OSMR: variants seen among roughly 807,000 people sequenced by gnomAD.
The protein encoded by OSMR is oncostatin M receptor.
In OSMR, 81 loss-of-function variants were observed where a neutral mutation model predicts 99.9. The observed-to-expected ratio is 0.81, with a 90% CI of 0.68 to 0.97. The LOEUF is 0.97. Among genes scored for constraint, OSMR ranks in the 50% least tolerant of loss-of-function variants. The probability of loss-of-function intolerance (pLI) is 0.00; values close to 1 mark genes in which losing one functional copy is unlikely to be tolerated. For synonymous variants in OSMR, 406 were observed against 410.4 expected, an observed-to-expected ratio of 0.99 and a Z score of 0.13; for missense variants, 1,099 against 1,153.4, an observed-to-expected ratio of 0.95 and a Z score of 0.68.
intron 7 of OSMR, among the ~76,000 whole-genome samples, chr5:38,898,948 A>ATCTTTTT (rs1744701152): frequency 9.2e-6 from 1 of 108,952 alleles, no homozygotes; most frequent in Admixed American, 8.6e-5. Flanking sequence ...TTTACATAAT[A>ATCTTTTT]TCTTTTTTTT....
intron 1 of OSMR, among the ~76,000 whole-genome samples, chr5:38,857,237 T>C (rs1740924745): frequency 6.6e-6 from 1 of 152,226 alleles, no homozygotes; most frequent in Non-Finnish European, 1.5e-5. Flanking sequence ...TGCACATCAT[T>C]CTCTGAATCA....
intron 12 of OSMR, 129 bp from the exon 13 acceptor site, chr5:38,923,021 C>T: frequency 9.5e-7 from 1 of 1,052,448 alleles, no homozygotes; most frequent in Non-Finnish European, 1.4e-6. Flanking sequence ...AGTGATCCGC[C>T]TGCCTCGGCC....
At chr5:38,909,491 G>A (rs932321622) in intron 9 of OSMR, among the ~76,000 whole-genome samples, 19 of 152,122 alleles carry the variant, frequency 1.2e-4, no homozygotes, top group African/African-American at 3.4e-4. Flanking sequence ...GAGACAGGGC[G>A]GGTCACCTAC....
At chr5:38,945,185 T>C (rs776153360), downstream of OSMR, 43 of 778,212 alleles carry the variant, frequency 5.5e-5, no homozygotes, top group Middle Eastern at 3.4e-4. Flanking sequence ...GTATGCAATA[T>C]ACCAAACACT....
At position 38,925,328 on chromosome 5, in the gene OSMR, C is replaced by T. The variant is rs776933413; in HGVS notation, c.2169C>T (p.Gly723=). The T allele has an allele frequency of 4.0e-5, 65 of 1,613,898 alleles. No homozygotes were observed. The highest frequency in any genetic ancestry group is 5.5e-5 in the Non-Finnish European group (65 of 1,179,924). Residue 723 remains glycine, a synonymous_variant, in exon 15 of 18, where the codon GGC becomes GGT. Transcript: ENST00000274276. ...CTCCATTCACTAGTGCTGGTGAAGG[C>T]CCCAGTGCTACGTTCACGAAGGTCA... ...FITPFTSAGE[G]PSATFTKVTT...
At chr5:38,892,097 C>G (rs1386323782) in intron 7 of OSMR, among the ~76,000 whole-genome samples, 1 of 152,134 alleles carries the variant, frequency 6.6e-6, no homozygotes, top group African/African-American at 2.4e-5. Flanking sequence ...TGCGTGCCCC[C>G]AAAAGTGAAG....
chr5:38,916,880 G>A (rs1376388981), intron 9 of OSMR, among the ~76,000 whole-genome samples: 1 of 152,064 alleles, frequency 6.6e-6, no homozygotes, highest in African/African-American at 2.4e-5. Context: ...CAAAACCCTT[G>A]GCCCCAGGGA....
At chr5:38,941,428 C>T (rs192850926) in intron 1 of OSMR, 22 of 231,846 alleles carry the variant, frequency 9.5e-5, no homozygotes, top group Non-Finnish European at 1.6e-4. Flanking sequence ...TAATGCTTTC[C>T]TATCCTTTAG....
At chr5:38,862,413 C>T (rs1372426094) in intron 1 of OSMR, among the ~76,000 whole-genome samples, 1 of 121,910 alleles carries the variant, frequency 8.2e-6, no homozygotes, top group African/African-American at 3.5e-5. Context: ...GCTGGCCGGG[C>T]GGGGGCTGAC....
At chr5:38,940,440 G>A (rs765593116), downstream of OSMR, 9 of 232,474 alleles carry the variant, frequency 3.9e-5, no homozygotes, top group Non-Finnish European at 6.8e-5. Context: ...CTGACATTTG[G>A]TTCTCTGGAA....
At chr5:38,901,488 G>A (rs915328568) in intron 7 of OSMR, among the ~76,000 whole-genome samples, 2 of 152,220 alleles carry the variant, frequency 1.3e-5, no homozygotes, top group African/African-American at 4.8e-5. Flanking sequence ...ACCCAAGTAA[G>A]AATGGGCATT....
Position 38,921,670 on chromosome 5 carries a change from G to A in OSMR, c.1641G>A (p.Trp547Ter). ...AGTEGGFSLS[W>*]KPQPGDVIGY... ...CAGAGGGTGGATTCTCTCTGTCTTGGAAACCCCAACCTGGAGATGTTATAG... is the reference window on the plus strand; with the variant it reads ...CAGAGGGTGGATTCTCTCTGTCTTGAAAACCCCAACCTGGAGATGTTATAG... The change falls in exon 12 of 18, where the codon TGG becomes TGA. Residue 547 changes from tryptophan to a stop codon, truncating the protein, a stop_gained. Transcript: ENST00000274276. LOFTEE classifies it high-confidence loss of function. The A allele has an allele frequency of 6.2e-7, 1 of 1,614,158 alleles. No homozygotes were observed. Among genetic ancestry groups the A allele is most frequent in the East Asian group, 2.2e-5 (1 of 44,886 alleles).
At chr5:38,871,529 C>G (rs1030651573) in intron 2 of OSMR, among the ~76,000 whole-genome samples, 3 of 152,204 alleles carry the variant, frequency 2.0e-5, no homozygotes, top group African/African-American at 7.2e-5. Context: ...CAGCCAGATA[C>G]AGATCTGAAG....
At chr5:38,942,452 ATT>A (rs200385182) in intron 1 of OSMR, 2,231 of 557,104 alleles carry the variant, frequency 4.0e-3, no homozygotes, top group East Asian at 5.2e-3. Context: ...TAAATATCTA[ATT>A]TTTTTTTTTT....
rs748429236 is a variant in OSMR at position 38,925,289 on chromosome 5, T to G, written c.2130T>G (p.Tyr710Ter). 123 of 1,614,050 alleles carry G rather than the reference T, an allele frequency of 7.6e-5. No homozygotes were observed. Among genetic ancestry groups the G allele is most frequent in the Admixed American group, 1.2e-4 (7 of 60,006 alleles). The change falls in exon 15 of 18, where the codon TAT (tyrosine) becomes TAG (stop). Residue 710 changes from tyrosine (Y) to a stop codon, truncating the protein, a stop_gained. Transcript: ENST00000274276. LOFTEE classifies it high-confidence loss of function. ...ACAACCTAAAGCCAGAATCCTTCTATGAGTTTTTCATCACTCCATTCACTA... is the reference window on the plus strand; with the variant it reads ...ACAACCTAAAGCCAGAATCCTTCTAGGAGTTTTTCATCACTCCATTCACTA... Reference protein sequence around the residue: ...IVDNLKPESFYEFFITPFTSA... With the variant: ...IVDNLKPESF
At position 38,919,010 on chromosome 5, in the gene OSMR, T is replaced by G. The variant is rs1270639580; in HGVS notation, c.1533T>G (p.Ser511Arg). The G allele has an allele frequency of 6.2e-7, 1 of 1,613,984 alleles. No individual in the cohort carries two copies. The highest frequency in any genetic ancestry group is 1.3e-5 in the African/African-American group (1 of 74,900). The part of the protein sequence containing the change: ...SYQICVIANN[S>R]VGASPASVIV... ...AAATCTGCGTCATAGCCAACAACAG[T>G]GTGGGTGCTTCTCCTGCTTCTGTAA... Residue 511 changes from serine to arginine, a missense_variant, in exon 11 of 18, where the codon AGT becomes AGG. Coordinates refer to ENST00000274276, the MANE Select transcript of OSMR (RefSeq NM_003999.3).
chr5:38,863,444 G>A (rs1741674362), intron 1 of OSMR, among the ~76,000 whole-genome samples: 1 of 152,032 alleles, frequency 6.6e-6, no homozygotes, highest in Non-Finnish European at 1.5e-5. Context: ...GGCTGAGGCA[G>A]GAGAATCGCA....
At chr5:38,940,769 T>G (rs1747480155) in intron 1 of OSMR, 1 of 232,206 alleles carries the variant, frequency 4.3e-6, no homozygotes, top group East Asian at 6.1e-5. Context: ...AGTAAATAAA[T>G]TTTTTAAAAA....
chr5:38,933,378 TC>T lies in OSMR; in HGVS notation c.2879del (p.Pro960ArgfsTer13). 1 of 1,613,930 alleles carries T rather than the reference TC, an allele frequency of 6.2e-7. No homozygotes were observed. Among genetic ancestry groups the T allele is most frequent in the Non-Finnish European group, 8.5e-7 (1 of 1,179,904 alleles). On this transcript the variant is annotated frameshift_variant, in exon 18 of 18. Transcript: ENST00000274276. LOFTEE classifies it low-confidence loss of function (END_TRUNC). The part of the protein sequence containing the change: ...MAVSLRLALP[P>X]PTENSSLSSI... ...CAGTCTCCCTGCGTCTTGCCTTGCC[TC>T]CCCCGACCGAGAATAGCAGCCTCTC...
Sources: allele counts gnomAD v4.1 joint callset (sites outside exome capture counted in the v4.1 genomes callset), GRCh38; gene constraint gnomAD v4.1.1; transcripts MANE v1.5; gene names NCBI Gene and HGNC (gene_info 2026-07-23, HGNC 2026-07-21).